PAK4: variants seen among roughly 807,000 people sequenced by gnomAD.
The protein encoded by PAK4 is serine/threonine-protein kinase PAK 4.
Under a neutral mutation model 53.5 loss-of-function variants are expected in PAK4, and 49 were observed. The observed-to-expected ratio is 0.92, with a 90% CI of 0.73 to 1.16. PAK4 has a LOEUF of 1.16. PAK4 is among the 50% of genes most tolerant of loss of function. PAK4 has a pLI of 0.00. For synonymous variants in PAK4, 376 were observed against 375.6 expected (o/e 1.00, Z -0.01); for missense variants, 824 against 850.7 (o/e 0.97, Z 0.39).
chr19:39,139,626 C>G (rs554988097), intron 1 of PAK4, among the ~76,000 whole-genome samples: 51 of 152,172 alleles, frequency 3.4e-4, no homozygotes, highest in Non-Finnish European at 6.3e-4. Context: ...GCCCTCCCCC[C>G]ACTCCATCAG....
chr19:39,167,675 G>A (rs572388593), intron 1 of PAK4, among the ~76,000 whole-genome samples: 183 of 152,204 alleles, frequency 1.2e-3, no homozygotes, highest in African/African-American at 3.4e-3. Flanking sequence ...GTTGGCTGCC[G>A]GGCCCCCACC....
chr19:39,157,550 CCTT>C (rs745912836), intron 1 of PAK4, among the ~76,000 whole-genome samples: 6 of 152,194 alleles, frequency 3.9e-5, no homozygotes, highest in Non-Finnish European at 7.3e-5. Context: ...CGCTCCCCCA[CCTT>C]CTCCCACTGA....
rs147024501 is a variant in PAK4, at chr19:39,176,696, G to A, written c.1466G>A (p.Arg489His). The A allele has an allele frequency of 6.3e-5, 101 of 1,610,768 alleles. No homozygotes were observed. The highest frequency in any genetic ancestry group is 7.9e-5 in the Non-Finnish European group (93 of 1,179,954). ...TGGATGGCCCCAGAGCTCATCTCCCGCCTTCCCTACGGGCCAGAGGTGAGC... is the reference window on the plus strand; with the variant it reads ...TGGATGGCCCCAGAGCTCATCTCCCACCTTCCCTACGGGCCAGAGGTGAGC... Residue 489 changes from arginine (R) to histidine (H), a missense_variant, in exon 7 of 9, where the codon CGC becomes CAC. By Grantham distance (29) the Arg-to-His change is conservative. Transcript: ENST00000358301.
chr19:39,165,241 G>T (rs1214874533), intron 1 of PAK4, among the ~76,000 whole-genome samples: 1 of 128,278 alleles, frequency 7.8e-6, no homozygotes, highest in Non-Finnish European at 1.7e-5. Context: ...GGTGGCTCAC[G>T]CCTGTAATCC....
intron 1 of PAK4, among the ~76,000 whole-genome samples, chr19:39,132,381 C>G (rs1304340400): frequency 6.6e-6 from 1 of 152,218 alleles, no homozygotes; most frequent in Non-Finnish European, 1.5e-5. Flanking sequence ...TCTTTTCTTT[C>G]TTTCTTGAAA....
At chr19:39,163,964 G>T (rs1246708130) in intron 1 of PAK4, among the ~76,000 whole-genome samples, 1 of 152,184 alleles carries the variant, frequency 6.6e-6, no homozygotes, top group African/African-American at 2.4e-5. Context: ...ACATTCTAAG[G>T]GAGAGGCAGA....
At position 39,178,637 on chromosome 19, in the gene PAK4, G is replaced by T; in HGVS notation, c.*58G>T. The T allele has an allele frequency of 6.9e-7, 1 of 1,446,926 alleles. No homozygotes were observed. 89.6% of individuals were successfully genotyped at this position (1,446,926 alleles called of 1,614,324 possible). On this transcript the variant is annotated 3_prime_UTR_variant, in exon 9 of 9. Coordinates refer to ENST00000358301, the Ensembl canonical transcript of PAK4. The surrounding 1 kb of genome is among the most constrained non-coding windows in gnomAD (Gnocchi z 4.4). Reference sequence around the variant, plus strand: ...CCCCGGGTCACCCCCGCCCCACTGAGGCCAGTAGGGGGCCAGGCCTCCCAC... The same window carrying T: ...CCCCGGGTCACCCCCGCCCCACTGATGCCAGTAGGGGGCCAGGCCTCCCAC...
At position 39,143,383 on chromosome 19, in the gene PAK4, G is replaced by C. The variant is rs1449934888; in HGVS notation, c.-23+17464G>C. Among the ~76,000 whole-genome samples, 8 of 151,040 alleles carry C rather than the reference G, an allele frequency of 5.3e-5. No homozygotes were observed. The Admixed American group carries it at 5.3e-4, about 10-fold the overall frequency. On this transcript the variant is annotated intron_variant, in intron 1 of 8. Transcript: ENST00000358301. ...AGGTGGGTGGATCACCTGAGGTCAG[G>C]AGTTCGAGACGAGCCTGGCCAACAC...
chr19:39,168,124 G>A (rs1185277127), intron 1 of PAK4, 106 bp from the exon 2 acceptor site: 1 of 152,274 alleles, frequency 6.6e-6, no homozygotes, highest in Non-Finnish European at 1.5e-5. Flanking sequence ...GAGGTCAAAG[G>A]CTGTCTGGGT....
chr19:39,149,544 G>T (rs987786327), intron 1 of PAK4, among the ~76,000 whole-genome samples: 3 of 152,130 alleles, frequency 2.0e-5, no homozygotes, highest in African/African-American at 7.2e-5. Context: ...AACATAGTGA[G>T]ACCCGGTCTC....
chr19:39,135,931 C>A (rs2073805583), intron 1 of PAK4, among the ~76,000 whole-genome samples: 1 of 151,524 alleles, frequency 6.6e-6, no homozygotes, highest in African/African-American at 2.4e-5. Flanking sequence ...GTCTGGAAAG[C>A]CTGTCACTCT....
chr19:39,170,359 G>A (rs1003857642), intron 2 of PAK4, among the ~76,000 whole-genome samples: 1 of 148,716 alleles, frequency 6.7e-6, no homozygotes, highest in South Asian at 2.1e-4. Context: ...TTGGTTTTGG[G>A]TTTTTTTTTT....
chr19:39,133,818 C>T (rs1018632844), intron 1 of PAK4, among the ~76,000 whole-genome samples: 2 of 152,314 alleles, frequency 1.3e-5, no homozygotes, highest in East Asian at 1.9e-4. Context: ...CCGGTTTTGC[C>T]ACTCCCACAC....
At chr19:39,156,503 A>T (rs2074184191) in intron 1 of PAK4, among the ~76,000 whole-genome samples, 2 of 151,914 alleles carry the variant, frequency 1.3e-5, no homozygotes, top group Non-Finnish European at 2.9e-5. Flanking sequence ...TGGGAGGCTG[A>T]CCCTGCTGAA....
intron 1 of PAK4, among the ~76,000 whole-genome samples, chr19:39,157,927 C>T (rs909203879): frequency 4.6e-5 from 7 of 152,168 alleles, no homozygotes; most frequent in Admixed American, 2.0e-4. Context: ...TCTTAGGACT[C>T]GGCTCTATGT....
chr19:39,174,031 C>A (rs767248994), intron 4 of PAK4, 21 bp downstream of exon 5: 4 of 1,499,950 alleles, frequency 2.7e-6, no homozygotes, highest in African/African-American at 1.4e-5. Flanking sequence ...TGCTGCCCTG[C>A]CGCCCTGCTG....
intron 1 of PAK4, among the ~76,000 whole-genome samples, chr19:39,141,135 C>G (rs532436349): frequency 6.6e-6 from 1 of 152,312 alleles, no homozygotes; most frequent in East Asian, 1.9e-4. Flanking sequence ...CTCGCGCCCT[C>G]CTGGGGTCCC....
intron 1 of PAK4, among the ~76,000 whole-genome samples, chr19:39,150,656 G>A (rs1170662369): frequency 1.3e-5 from 2 of 152,122 alleles, no homozygotes; most frequent in Non-Finnish European, 1.5e-5. Flanking sequence ...TGGGGAGGCC[G>A]AGGTGGGCAG....
At chr19:39,166,137 C>T (rs983341291) in intron 1 of PAK4, among the ~76,000 whole-genome samples, 5 of 152,194 alleles carry the variant, frequency 3.3e-5, no homozygotes, top group African/African-American at 9.7e-5. Context: ...GCCCTCCGTG[C>T]CCTCTGTTCT....
Sources: allele counts gnomAD v4.1 joint callset (sites outside exome capture counted in the v4.1 genomes callset), GRCh38; gene constraint gnomAD v4.1.1; non-coding constraint Gnocchi (gnomAD v3.1); transcripts MANE v1.5; gene names NCBI Gene and HGNC (gene_info 2026-07-23, HGNC 2026-07-21).